The following BRCA2 variants were observed in gnomAD, a reference collection of about 807,000 sequenced individuals.
The protein encoded by BRCA2 is breast cancer type 2 susceptibility protein.
In BRCA2, 203 loss-of-function variants were observed where a neutral mutation model predicts 276.7. That is an observed-to-expected ratio of 0.73 (90% CI 0.65 to 0.82). The LOEUF is 0.82. Among genes scored for constraint, BRCA2 ranks in the 40% least tolerant of loss-of-function variants. BRCA2 has a pLI of 0.00. For synonymous variants in BRCA2, 1,289 were observed against 1,338.4 expected (o/e 0.96, Z 0.81); for missense variants, 3,920 against 3,915.0 (o/e 1.00, Z -0.03).
In BRCA2 at chr13:32,332,970, T is replaced by C; in HGVS notation, c.1492T>C (p.Phe498Leu). ...TGGAACTTCTCCAGTGGCTTCTTCA[T>C]TTCAGGGTATCAAAAAGTCTATATT... Reference protein sequence around the residue: ...ISGTSPVASSFQGIKKSIFRI... With the variant: ...ISGTSPVASSLQGIKKSIFRI... Residue 498 changes from phenylalanine (F) to leucine (L), a missense_variant, in exon 10 of 27, where the codon TTT becomes CTT. Phe to Leu is a conservative substitution (Grantham distance 22, BLOSUM62 0). Transcript: ENST00000380152. The C allele has an allele frequency of 6.3e-7, 1 of 1,597,100 alleles. No homozygotes were observed. The highest frequency in any genetic ancestry group is 8.5e-7 in the Non-Finnish European group (1 of 1,175,962).
chr13:32,360,644 C>T lies in BRCA2; in HGVS notation c.7806-1879C>T, dbSNP rs11571716. ...AAGTGCTGGAATTACAGGTGTGAGC[C>T]ACTGTGTCCAGCCTGATCTGACTTA... On this transcript the variant is annotated intron_variant, in intron 16 of 26. Transcript: ENST00000380152. 1.8e-3 allele frequency among the ~76,000 whole-genome samples: 276 copies of T among 152,266 alleles called. 1 individual carries two copies. Among genetic ancestry groups the T allele is most frequent in the Middle Eastern group, 0.014 (4 of 294 alleles).
In BRCA2 at chr13:32,338,297, G is replaced by A. The variant is rs1002791506; in HGVS notation, c.3942G>A (p.Lys1314=). The A allele has an allele frequency of 1.9e-6, 3 of 1,579,074 alleles. No homozygotes were observed. Among genetic ancestry groups the A allele is most frequent in the Non-Finnish European group, 2.6e-6 (3 of 1,165,114 alleles). Residue 1314 remains lysine, a synonymous_variant, in exon 11 of 27, where the codon AAG becomes AAA. Coordinates refer to ENST00000380152, the MANE Select transcript of BRCA2 (RefSeq NM_000059.4). ...TFVEEITENY[K]RNTENEDNKY... is the part of the protein sequence containing the mutation. ...TTGAAGAAATTACTGAAAATTACAA[G>A]AGAAATACTGAAAATGAAGATAACA... is the stretch of plus-strand genomic sequence containing the variant.
At chr13:32,351,639 C>G (rs1261774254) in intron 13 of BRCA2, among the ~76,000 whole-genome samples, 4 of 152,030 alleles carry the variant, frequency 2.6e-5, no homozygotes, top group Non-Finnish European at 4.4e-5. Flanking sequence ...AGGGGTACTT[C>G]AAGAGAAAAA....
At chr13:32,363,824 G>T (rs2072763231) in intron 18 of BRCA2, among the ~76,000 whole-genome samples, 1 of 152,100 alleles carries the variant, frequency 6.6e-6, no homozygotes, top group Non-Finnish European at 1.5e-5. Context: ...TCATAGCTTT[G>T]CTTTGATCAG....
At chr13:32,383,461 A>G (rs185244925) in intron 24 of BRCA2, among the ~76,000 whole-genome samples, 2 of 152,332 alleles carry the variant, frequency 1.3e-5, no homozygotes, top group East Asian at 1.9e-4. Flanking sequence ...ACACATCATG[A>G]CTGCCAGGGC....
At chr13:32,350,771 TAAAA>T (rs1296180766) in intron 13 of BRCA2, among the ~76,000 whole-genome samples, 1 of 151,448 alleles carries the variant, frequency 6.6e-6, no homozygotes, top group African/African-American at 2.4e-5. Flanking sequence ...AACAACAAAA[TAAAA>T]AAATAAAATA....
At position 32,379,313 on chromosome 13, in the gene BRCA2, A is replaced by G. The variant is rs1555288363; in HGVS notation, c.8755-4A>G. ...TTTTATTCCAATATCTTAAATGGTCACAGGGTTATTTCAGTGAAGAGCAGT... is the reference window on the plus strand; with the variant it reads ...TTTTATTCCAATATCTTAAATGGTCGCAGGGTTATTTCAGTGAAGAGCAGT... On this transcript the variant is annotated splice_region_variant and splice_polypyrimidine_tract_variant and intron_variant, in intron 21 of 26. Transcript: ENST00000380152. 3 of 1,613,490 alleles carry G rather than the reference A, an allele frequency of 1.9e-6. No individual in the cohort carries two copies. The highest frequency in any genetic ancestry group is 2.5e-6 in the Non-Finnish European group (3 of 1,179,668).
In BRCA2 at chr13:32,339,132, G is replaced by A. The variant is rs2137510107; in HGVS notation, c.4777G>A (p.Glu1593Lys). ...GATCACAGCTGCCCCAAAGTGTAAA[G>A]AAATGCAGAATTCTCTCAATAATGA... ...IEITAAPKCK[E>K]MQNSLNNDKN... The change falls in exon 11 of 27, where the codon GAA (glutamate) becomes AAA (lysine). Residue 1593 changes from glutamate to lysine, a missense_variant. Glu to Lys is a moderately conservative substitution (Grantham distance 56, BLOSUM62 1). Around this residue, in one of 2 missense-constraint regions of BRCA2, gnomAD observed 3,263 missense variants for 3,156.9 expected, o/e 1.03. Coordinates refer to ENST00000380152, the MANE Select transcript of BRCA2 (RefSeq NM_000059.4). The A allele has an allele frequency of 1.9e-6, 3 of 1,613,986 alleles. No individual in the cohort carries two copies. In the South Asian group the frequency reaches 3.3e-5, roughly 18 times the overall value.
chr13:32,397,460 C>G (rs2073044507), intron 26 of BRCA2, among the ~76,000 whole-genome samples: 1 of 152,166 alleles, frequency 6.6e-6, no homozygotes, highest in Non-Finnish European at 1.5e-5. Flanking sequence ...TCTATATTAA[C>G]TCATTTAATC....
Position 32,340,717 on chromosome 13 carries a change from A to G in BRCA2, c.6362A>G (p.Glu2121Gly), listed in dbSNP as rs397507846. The change falls in exon 11 of 27, where the codon GAA becomes GGA. Residue 2121 changes from glutamate (E) to glycine (G), a missense_variant. Physicochemically the swap from Glu to Gly is moderately conservative, Grantham distance 98. This residue lies in a region of BRCA2 where 3,263 missense variants were observed against 3,156.9 expected (regional missense o/e 1.03). Coordinates refer to ENST00000380152, the MANE Select transcript of BRCA2 (RefSeq NM_000059.4). The stretch of plus-strand genomic sequence containing the variant: ...AACCCAGAGCACTGTGTAAACTCAG[A>G]AATGGAAAAAACCTGCAGTAAAGAA... ...KRNPEHCVNSEMEKTCSKEFK... is the reference protein window; with the variant it reads ...KRNPEHCVNSGMEKTCSKEFK... 1.9e-6 allele frequency: 3 copies of G among 1,607,146 alleles called. No individual in the cohort carries two copies. The highest frequency in any genetic ancestry group is 2.5e-6 in the Non-Finnish European group (3 of 1,178,482).
chr13:32,340,479 C>T lies in BRCA2; in HGVS notation c.6124C>T (p.Gln2042Ter), dbSNP rs80358851. 6.2e-7 allele frequency: 1 copy of T among 1,613,334 alleles called. No homozygotes were observed. Among genetic ancestry groups the T allele is most frequent in the South Asian group, 1.1e-5 (1 of 91,002 alleles). ...ACGTACTCCAGAACATTTAATATCC[C>T]AAAAAGGCTTTTCATATAATGTGGT... ...AIRTPEHLIS[Q>*]KGFSYNVVNS... Residue 2042 changes from glutamine (Q) to a stop codon, truncating the protein, a stop_gained, in exon 11 of 27, where the codon CAA becomes TAA. Transcript: ENST00000380152. LOFTEE classifies it high-confidence loss of function.
intron 25 of BRCA2, chr13:32,396,056 G>A (rs1336300558): frequency 1.0e-5 from 2 of 192,264 alleles, no homozygotes; most frequent in African/African-American, 5.6e-5. Flanking sequence ...TCACTGCAGT[G>A]TCTGCCTCCT....
chr13:32,350,579 C>G (rs1005565278), intron 13 of BRCA2, among the ~76,000 whole-genome samples: 1 of 151,990 alleles, frequency 6.6e-6, no homozygotes, highest in Admixed American at 6.6e-5. Context: ...GAAACCCCAT[C>G]TCTACTAAAA....
intron 24 of BRCA2, chr13:32,385,745 A>T (rs2072955693): frequency 5.3e-6 from 1 of 187,244 alleles, no homozygotes; most frequent in Non-Finnish European, 1.2e-5. Context: ...AATCACAGAA[A>T]AGCTGAAGAC....
intron 13 of BRCA2, among the ~76,000 whole-genome samples, chr13:32,352,518 T>A (rs1214136240): frequency 1.3e-5 from 2 of 152,180 alleles, no homozygotes; most frequent in Admixed American, 1.3e-4. Flanking sequence ...ATAGAAAAAT[T>A]ATCAGCTAAT....
intron 19 of BRCA2, among the ~76,000 whole-genome samples, 174 bp from the exon 20 acceptor site, chr13:32,370,782 G>A (rs1428818654): frequency 3.9e-5 from 6 of 152,078 alleles, no homozygotes; most frequent in Non-Finnish European, 8.8e-5. Flanking sequence ...TGGTAGAGAA[G>A]GGGTTTCATC....
intron 16 of BRCA2, 46 bp downstream of exon 16, chr13:32,357,975 C>A (rs2137568141): frequency 6.3e-7 from 1 of 1,581,928 alleles, no homozygotes; most frequent in Non-Finnish European, 8.7e-7. Context: ...TGTATTCCCT[C>A]ATCCCTCTTT....
intron 15 of BRCA2, among the ~76,000 whole-genome samples, chr13:32,356,853 CTTATT>C (rs1215356280): frequency 3.3e-5 from 5 of 152,326 alleles, no homozygotes; most frequent in African/African-American, 1.2e-4. Context: ...TCAAATCTTT[CTTATT>C]TTGTCATTGT....
rs2137490130 is a variant in BRCA2 at position 32,337,159 on chromosome 13, AT to A, written c.2805del (p.Asp935GlufsTer25). Reference sequence around the variant, plus strand: ...ATGGTTTTATATGGAGACACAGGTGATAAACAAGCAACCCAAGTGTCAATTA... The same window carrying A: ...ATGGTTTTATATGGAGACACAGGTGAAAACAAGCAACCCAAGTGTCAATTA... ...STMVLYGDTG[D>X]KQATQVSIKK... On this transcript the variant is annotated frameshift_variant, in exon 11 of 27. Transcript: ENST00000380152. LOFTEE classifies it high-confidence loss of function. 6.2e-7 allele frequency: 1 copy of A among 1,613,930 alleles called. No individual in the cohort carries two copies. The highest frequency in any genetic ancestry group is 8.5e-7 in the Non-Finnish European group (1 of 1,179,892).
Sources: allele counts gnomAD v4.1 joint callset (sites outside exome capture counted in the v4.1 genomes callset), GRCh38; gene constraint gnomAD v4.1.1; regional missense constraint gnomAD v4.1.1; transcripts MANE v1.5; gene names NCBI Gene and HGNC (gene_info 2026-07-23, HGNC 2026-07-21).